SP140L: variants seen among roughly 807,000 people sequenced by gnomAD.
SP140L encodes nuclear body protein SP140-like protein.
Under a neutral mutation model 84.3 loss-of-function variants are expected in SP140L, and 64 were observed. The ratio of observed to expected loss-of-function variants is 0.76; its 90% CI spans 0.62 to 0.94. The LOEUF is 0.94. Ranked by LOEUF, SP140L falls within the 40% of genes least tolerant of loss-of-function variation. The pLI, the probability that SP140L is intolerant of heterozygous loss-of-function variation, is 0.00. For missense variants in SP140L, 628 were observed against 692.5 expected, an observed-to-expected ratio of 0.91 and a Z score of 1.05; for synonymous variants, 242 against 236.9, an observed-to-expected ratio of 1.02 and a Z score of -0.20.
intron 15 of SP140L, 129 bp downstream of exon 15, chr2:230,400,371 G>A (rs995104903): frequency 6.9e-5 from 61 of 887,758 alleles, no homozygotes; most frequent in Admixed American, 3.1e-4. Context: ...CTGGGACCCA[G>A]CAGTGTGATC....
chr2:230,390,016 G>A lies in SP140L; in HGVS notation c.957G>A (p.Leu319=). ...GVKGILHKEK[L]EQGTLAKCIQ... The stretch of plus-strand genomic sequence containing the variant: ...AGGGAATTTTACATAAGGAGAAATT[G>A]GAACAAGGTGGGTTTCATAGTCTTC... The change falls in exon 11 of 19, where the codon TTG becomes TTA. Residue 319 remains leucine (L), a synonymous_variant. Coordinates refer to ENST00000415673, the MANE Select transcript of SP140L (RefSeq NM_138402.6). 6.2e-7 allele frequency: 1 copy of A among 1,613,044 alleles called. No homozygotes were observed. The highest frequency in any genetic ancestry group is 8.5e-7 in the Non-Finnish European group (1 of 1,179,328).
At chr2:230,399,958 C>G in intron 14 of SP140L, 169 bp from the exon 15 acceptor site, 1 of 606,536 alleles carries the variant, frequency 1.6e-6, no homozygotes, top group Non-Finnish European at 2.9e-6. Flanking sequence ...CACTGCAGAC[C>G]AGGATTTGTT....
At chr2:230,336,582 T>G (rs2059889268) in intron 2 of SP140L, among the ~76,000 whole-genome samples, 1 of 152,248 alleles carries the variant, frequency 6.6e-6, no homozygotes. Flanking sequence ...TATTTTTTAA[T>G]GTACTGAAAC....
At chr2:230,343,238 C>T (rs905833715) in intron 2 of SP140L, among the ~76,000 whole-genome samples, 1 of 147,590 alleles carries the variant, frequency 6.8e-6, no homozygotes, top group African/African-American at 2.5e-5. Flanking sequence ...GTCCCTCTCC[C>T]TACACCCCCG....
intron 9 of SP140L, among the ~76,000 whole-genome samples, chr2:230,386,174 C>A (rs762622874): frequency 6.6e-6 from 1 of 152,186 alleles, no homozygotes; most frequent in Non-Finnish European, 1.5e-5. Flanking sequence ...ATCAGTTCCA[C>A]CAACTCTTTC....
intron 2 of SP140L, among the ~76,000 whole-genome samples, chr2:230,337,533 CATTGCTTTTGGTGTTTTAG>C (rs2149684640): frequency 6.6e-6 from 1 of 151,722 alleles, no homozygotes; most frequent in South Asian, 2.1e-4. Context: ...CTTTTGTTGC[CATTGCTTTTGGTGTTTTAG>C]ACATGAAGTC....
At chr2:230,339,745 T>C (rs549660125) in intron 2 of SP140L, among the ~76,000 whole-genome samples, 5,836 of 123,052 alleles carry the variant, frequency 0.047, 58 homozygotes, top group African/African-American at 0.081. Context: ...GCCTTCATTT[T>C]GTTATGTACC....
intron 7 of SP140L, among the ~76,000 whole-genome samples, chr2:230,376,146 C>T (rs188552536): frequency 5.9e-5 from 9 of 152,170 alleles, no homozygotes; most frequent in African/African-American, 1.9e-4. Context: ...TTCTTAGCAC[C>T]ACTTATTGAA....
chr2:230,359,054 G>A lies in SP140L; in HGVS notation c.361G>A (p.Val121Ile), dbSNP rs1318659634. ...ACTGGAGAAGACATTTAACCTGTCAGTTTTGGAAGCACTGTTCAGCGAGGT... is the reference window on the plus strand; with the variant it reads ...ACTGGAGAAGACATTTAACCTGTCAATTTTGGAAGCACTGTTCAGCGAGGT... ...SELEKTFNLSVLEALFSEVNM... is the reference protein window; with the variant it reads ...SELEKTFNLSILEALFSEVNM... The change falls in exon 4 of 19, where the codon GTT becomes ATT. Residue 121 changes from valine (V) to isoleucine (I), a missense_variant. Coordinates refer to ENST00000415673, the MANE Select transcript of SP140L (RefSeq NM_138402.6). 6.2e-7 allele frequency: 1 copy of A among 1,613,892 alleles called. No individual in the cohort carries two copies. The highest frequency in any genetic ancestry group is 8.5e-7 in the Non-Finnish European group (1 of 1,179,892).
chr2:230,373,995 T>C (rs2061166703), intron 7 of SP140L, among the ~76,000 whole-genome samples: 1 of 152,142 alleles, frequency 6.6e-6, no homozygotes, highest in African/African-American at 2.4e-5. Context: ...GAAGTCACTG[T>C]AGATGTGATG....
At chr2:230,357,030 T>C (rs2060569764) in intron 2 of SP140L, among the ~76,000 whole-genome samples, 1 of 152,214 alleles carries the variant, frequency 6.6e-6, no homozygotes, top group Non-Finnish European at 1.5e-5. Flanking sequence ...CATTTAGGAA[T>C]ACTGAGATGT....
At chr2:230,350,945 A>G (rs910921038) in intron 2 of SP140L, among the ~76,000 whole-genome samples, 1 of 152,202 alleles carries the variant, frequency 6.6e-6, no homozygotes, top group African/African-American at 2.4e-5. Context: ...AAGAAACAAC[A>G]AATAGGTGAG....
intron 7 of SP140L, among the ~76,000 whole-genome samples, chr2:230,373,417 A>G (rs2149772210): frequency 6.6e-6 from 1 of 152,322 alleles, no homozygotes; most frequent in East Asian, 1.9e-4. Context: ...TTTCTCTTGA[A>G]GCCAATGCTC....
At chr2:230,333,393 C>A (rs1343916064) in intron 2 of SP140L, among the ~76,000 whole-genome samples, 3 of 152,144 alleles carry the variant, frequency 2.0e-5, no homozygotes, top group Non-Finnish European at 4.4e-5. Flanking sequence ...CTCTTGACCT[C>A]ATGATCCACT....
intron 2 of SP140L, among the ~76,000 whole-genome samples, chr2:230,348,815 T>G (rs1329470413): frequency 3.3e-5 from 5 of 152,262 alleles, no homozygotes; most frequent in Admixed American, 3.3e-4. Context: ...ATTTTTGTCT[T>G]TATTTTCTTA....
At chr2:230,354,896 AG>A (rs773398010) in intron 2 of SP140L, among the ~76,000 whole-genome samples, 22 of 144,094 alleles carry the variant, frequency 1.5e-4, no homozygotes, top group South Asian at 4.5e-4. Flanking sequence ...AAAGAAAGAA[AG>A]GAAAGAGAAA....
chr2:230,392,382 C>G (rs2061855077), intron 12 of SP140L, among the ~76,000 whole-genome samples, 153 bp downstream of exon 12: 1 of 152,168 alleles, frequency 6.6e-6, no homozygotes, highest in African/African-American at 2.4e-5. Context: ...GACCCCATAT[C>G]CATAACCACA....
Position 230,345,292 on chromosome 2 carries a change from T to C in SP140L, c.108-12513T>C, listed in dbSNP as rs117783686. Among the ~76,000 whole-genome samples the C allele has an allele frequency of 4.5e-3, 684 of 152,354 alleles. 8 individuals carry two copies. The highest frequency in any genetic ancestry group is 0.021 in the East Asian group (108 of 5,190). On this transcript the variant is annotated intron_variant, in intron 2 of 18. Coordinates refer to ENST00000415673, the MANE Select transcript of SP140L (RefSeq NM_138402.6). ...GTGGCCATTTTTTACTTAATGTGTA[T>C]TTTGTCCAACATAAAGATAGTTACC...
At chr2:230,384,031 A>G (rs1014693487) in intron 8 of SP140L, among the ~76,000 whole-genome samples, 2 of 152,134 alleles carry the variant, frequency 1.3e-5, no homozygotes, top group South Asian at 2.1e-4. Context: ...GCAATTATTT[A>G]TCTGTGTGTA....
Sources: allele counts gnomAD v4.1 joint callset (sites outside exome capture counted in the v4.1 genomes callset), GRCh38; gene constraint gnomAD v4.1.1; transcripts MANE v1.5; gene names NCBI Gene and HGNC (gene_info 2026-07-23, HGNC 2026-07-21).